ATRN: variants seen among roughly 807,000 people sequenced by gnomAD.
The protein encoded by ATRN is attractin-2.
ATRN carries 54 observed loss-of-function variants against 178.7 expected under a neutral mutation model. That is an observed-to-expected ratio of 0.30 (90% confidence interval 0.24 to 0.38). The LOEUF is 0.38. ATRN is among the 10% of genes least tolerant of loss of function. The probability of loss-of-function intolerance (pLI) is 1.00; values close to 1 mark genes in which losing one functional copy is unlikely to be tolerated. For missense variants in ATRN, 1,443 were observed against 1,815.1 expected, an observed-to-expected ratio of 0.79 and a Z score of 3.73; for synonymous variants, 636 against 663.0, an observed-to-expected ratio of 0.96 and a Z score of 0.63.
intron 16 of ATRN, 52 bp downstream of exon 16, chr20:3,582,406 C>T: frequency 6.7e-7 from 1 of 1,495,308 alleles, no homozygotes. Flanking sequence ...TGAGAGAAAC[C>T]ATAGGAGGCA....
chr20:3,563,133 G>A lies in ATRN; in HGVS notation c.1632-76G>A, dbSNP rs933806313. The A allele has an allele frequency of 1.7e-5, 22 of 1,322,328 alleles. No individual in the cohort carries two copies. The African/African-American group carries it at 3.1e-4, about 19-fold the overall frequency. 81.9% of individuals were successfully genotyped at this position (1,322,328 alleles called of 1,614,324 possible). A position where few individuals can be genotyped will look rare whatever the true frequency, so the allele number is the denominator to read the frequency against. Reference sequence around the variant, plus strand: ...TGGGTCTGAGGTTAATAAAGTGGTTGTGCTTGCATTAGCAGATACATAAAT... The same window carrying A: ...TGGGTCTGAGGTTAATAAAGTGGTTATGCTTGCATTAGCAGATACATAAAT... On this transcript the variant is annotated intron_variant, in intron 9 of 28. Transcript: ENST00000262919.
intron 1 of ATRN, among the ~76,000 whole-genome samples, chr20:3,473,546 G>A (rs1043758733): frequency 1.3e-5 from 2 of 152,236 alleles, no homozygotes; most frequent in Non-Finnish European, 1.5e-5. Flanking sequence ...GTGAAATGGC[G>A]TAGTTCACGC....
chr20:3,608,641 T>C (rs2086713134), intron 24 of ATRN, among the ~76,000 whole-genome samples: 2 of 152,218 alleles, frequency 1.3e-5, no homozygotes, highest in South Asian at 4.1e-4. Context: ...TAAGGTGATA[T>C]GATGCCTCCA....
intron 8 of ATRN, 80 bp from the exon 9 acceptor site, chr20:3,562,196 T>C (rs534840880): frequency 1.6e-6 from 2 of 1,212,958 alleles, no homozygotes; most frequent in Admixed American, 2.2e-5. Flanking sequence ...TCCATTCTCA[T>C]GCCCTAAGCT....
At chr20:3,589,241 G>C (rs2086404494) in intron 18 of ATRN, among the ~76,000 whole-genome samples, 1 of 151,972 alleles carries the variant, frequency 6.6e-6, no homozygotes, top group Non-Finnish European at 1.5e-5. Flanking sequence ...CTCGTGATCT[G>C]CCTGCCTTGG....
intron 11 of ATRN, among the ~76,000 whole-genome samples, chr20:3,568,310 G>A (rs963382126): frequency 1.3e-5 from 2 of 149,576 alleles, no homozygotes; most frequent in Non-Finnish European, 3.0e-5. Context: ...AAAAGAGAAA[G>A]AAACCTTATA....
chr20:3,587,535 C>T (rs916499298), intron 18 of ATRN, among the ~76,000 whole-genome samples: 3 of 151,194 alleles, frequency 2.0e-5, no homozygotes, highest in Non-Finnish European at 4.4e-5. Flanking sequence ...GATCAGTTGA[C>T]TGTGAATCTA....
At chr20:3,576,538 C>T (rs2034043849) in intron 13 of ATRN, among the ~76,000 whole-genome samples, 1 of 152,002 alleles carries the variant, frequency 6.6e-6, no homozygotes, top group Admixed American at 6.6e-5. Flanking sequence ...CCAAGTTCAA[C>T]ATTCCCATTT....
chr20:3,563,875 A>G (rs1286717808), intron 10 of ATRN, among the ~76,000 whole-genome samples: 2 of 152,182 alleles, frequency 1.3e-5, no homozygotes, highest in Non-Finnish European at 2.9e-5. Flanking sequence ...ATTGTGGTAA[A>G]ATACACATAA....
In ATRN at chr20:3,559,430, C is replaced by T. The variant is rs147164307; in HGVS notation, c.1150C>T (p.Arg384Cys). The stretch of plus-strand genomic sequence containing the variant: ...TTCTAGGGAGTGGCTTCCACTAAAC[C>T]GTTCTGTGAACAATGTGGTTGTTAG... The part of the protein sequence containing the change: ...LASREWLPLN[R>C]SVNNVVVRYG... The change falls in exon 7 of 29, where the codon CGT becomes TGT. Residue 384 changes from arginine to cysteine, a missense_variant. Transcript: ENST00000262919. 3.3e-4 allele frequency: 527 copies of T among 1,613,866 alleles called. 7 individuals are homozygous for T. In the South Asian group the frequency reaches 5.5e-3, roughly 17 times the overall value.
chr20:3,521,646 CA>C (rs1336690361), intron 1 of ATRN, among the ~76,000 whole-genome samples: 1 of 152,150 alleles, frequency 6.6e-6, no homozygotes, highest in African/African-American at 2.4e-5. Flanking sequence ...ATTAACTTGA[CA>C]TAATTGGTAC....
intron 12 of ATRN, among the ~76,000 whole-genome samples, chr20:3,574,630 A>C (rs1373344421): frequency 6.6e-6 from 1 of 152,258 alleles, no homozygotes; most frequent in African/African-American, 2.4e-5. Context: ...CTTGAAAGGG[A>C]TAAAATCAGT....
chr20:3,553,995 G>A (rs17709088), intron 6 of ATRN, among the ~76,000 whole-genome samples: 3,166 of 152,270 alleles, frequency 0.021, 45 homozygotes, highest in Non-Finnish European at 0.033. Flanking sequence ...TGCACTCAGA[G>A]CTTAGCTCAT....
chr20:3,512,362 G>GT (rs1033527694), intron 1 of ATRN, among the ~76,000 whole-genome samples: 12 of 150,176 alleles, frequency 8.0e-5, no homozygotes, highest in African/African-American at 3.0e-4. Flanking sequence ...GCTGTGTTTG[G>GT]TTTTTTGTCC....
rs1600178538 is a variant in ATRN at position 3,649,104 on chromosome 20, A to G, written c.*2257A>G. ...CAGCGGTGGGGAAGCCGCTGAATCC[A>G]CCTGCTTCTCCTTTGCAACCGACAG... On this transcript the variant is annotated 3_prime_UTR_variant, in exon 29 of 29. Transcript: ENST00000262919. 1 of 152,188 alleles carries G rather than the reference A, an allele frequency of 6.6e-6. No individual in the cohort carries two copies. The highest frequency in any genetic ancestry group is 2.4e-5 in the African/African-American group (1 of 41,434). 9.4% of individuals were successfully genotyped at this position (152,188 alleles called of 1,614,324 possible). A position where few individuals can be genotyped will look rare whatever the true frequency, so the allele number is the denominator to read the frequency against.
intron 1 of ATRN, among the ~76,000 whole-genome samples, chr20:3,505,310 A>C (rs926520842): frequency 2.0e-5 from 3 of 152,202 alleles, no homozygotes; most frequent in African/African-American, 7.2e-5. Context: ...CAGGACTAGC[A>C]CGAGCAGTCT....
intron 24 of ATRN, among the ~76,000 whole-genome samples, chr20:3,618,407 CCTT>C (rs1454152300): frequency 6.6e-6 from 1 of 152,136 alleles, no homozygotes; most frequent in Non-Finnish European, 1.5e-5. Context: ...TGGAGAGAAG[CCTT>C]CAGAAGAGCA....
At chr20:3,621,414 A>C (rs569381460) in intron 24 of ATRN, among the ~76,000 whole-genome samples, 6 of 152,200 alleles carry the variant, frequency 3.9e-5, no homozygotes, top group African/African-American at 1.4e-4. Context: ...TGAGCTTCCG[A>C]GTTCAGAGTT....
At chr20:3,540,782 G>A (rs1020143689) in intron 3 of ATRN, among the ~76,000 whole-genome samples, 3 of 152,162 alleles carry the variant, frequency 2.0e-5, no homozygotes, top group Non-Finnish European at 4.4e-5. Context: ...GTGCGTGTGT[G>A]TGTGTGTATG....
Sources: allele counts gnomAD v4.1 joint callset (sites outside exome capture counted in the v4.1 genomes callset), GRCh38; gene constraint gnomAD v4.1.1; transcripts MANE v1.5; gene names NCBI Gene and HGNC (gene_info 2026-07-23, HGNC 2026-07-21).